The following SUN2 variants were observed in gnomAD, a reference collection of about 807,000 sequenced individuals.
SUN2 encodes the protein Sad1 and UNC84 domain containing 2.
SUN2 carries 60 observed loss-of-function variants against 100.0 expected under a neutral mutation model. The ratio of observed to expected loss-of-function variants is 0.60; its 90% CI spans 0.49 to 0.74. The LOEUF (loss-of-function observed/expected upper bound fraction) is 0.74, where lower values mean the gene tolerates loss of function less well. SUN2 is among the 30% of genes least tolerant of loss of function. The probability of loss-of-function intolerance (pLI) is 0.00; values close to 1 mark genes in which losing one functional copy is unlikely to be tolerated. For synonymous variants in SUN2, 367 were observed against 403.3 expected (o/e 0.91, Z 1.08); for missense variants, 834 against 954.6 (o/e 0.87, Z 1.66).
In SUN2 at chr22:38,738,743, G is replaced by T. The variant is rs1179496851; in HGVS notation, c.1791C>A (p.His597Gln). ...SPRVILQPDV[H>Q]PGNCWAFQGP... Reference sequence around the variant, plus strand: ...CCTGGAAGGCCCAGCAGTTGCCTGGGTGCACATCTGGCTGGAGGAGCAGAA... The same window carrying T: ...CCTGGAAGGCCCAGCAGTTGCCTGGTTGCACATCTGGCTGGAGGAGCAGAA... The change falls in exon 16 of 18, where the codon CAC becomes CAA. Residue 597 changes from histidine to glutamine, a missense_variant. By Grantham distance (24) the His-to-Gln change is conservative. Coordinates refer to ENST00000689035, the MANE Select transcript of SUN2 (RefSeq NM_015374.3). This position sits in a 1 kb window ranked among gnomAD's most constrained non-coding sequence, Gnocchi z 6.6. 3 of 1,613,474 alleles carry T rather than the reference G, an allele frequency of 1.9e-6. No homozygotes were observed. The highest frequency in any genetic ancestry group is 1.1e-5 in the South Asian group (1 of 91,072).
Position 38,750,271 on chromosome 22 carries a change from G to A in SUN2, c.474C>T (p.Ala158=), listed in dbSNP as rs1211809169. The change falls in exon 5 of 18, where the codon GCC becomes GCT. Residue 158 remains alanine, a synonymous_variant. Transcript: ENST00000689035. The part of the protein sequence containing the change: ...QQSSSSRLRS[A]VSRAGSLLWM... ...AGAGTAAGGAGCCCGCCCGTGAGACGGCGCTTCGGAGCCGCGAGCTGGAAC... is the reference window on the plus strand; with the variant it reads ...AGAGTAAGGAGCCCGCCCGTGAGACAGCGCTTCGGAGCCGCGAGCTGGAAC... 9 of 1,613,730 alleles carry A rather than the reference G, an allele frequency of 5.6e-6. No individual in the cohort carries two copies. The highest frequency in any genetic ancestry group is 1.7e-5 in the Admixed American group (1 of 60,008).
At chr22:38,736,479 G>T (rs2092806490) in intron 17 of SUN2, 99 bp from the exon 18 acceptor site, 1 of 867,810 alleles carries the variant, frequency 1.2e-6, no homozygotes, top group Non-Finnish European at 1.7e-6. Flanking sequence ...GGGCCAGATG[G>T]CTCCCCTGCT....
intron 7 of SUN2, 80 bp downstream of exon 7, chr22:38,748,633 C>T: frequency 3.9e-6 from 6 of 1,546,726 alleles, no homozygotes; most frequent in Non-Finnish European, 5.4e-6. Flanking sequence ...CAGTCTTGCC[C>T]CTTCCCTGCC....
intron 1 of SUN2, among the ~76,000 whole-genome samples, chr22:38,753,371 G>C (rs375635424): frequency 2.0e-5 from 3 of 151,656 alleles, no homozygotes; most frequent in African/African-American, 7.3e-5. Context: ...GTGCGCCACC[G>C]GGACTGGCTA....
chr22:38,738,556 C>T lies in SUN2; in HGVS notation c.1947+31G>A, dbSNP rs2092827207. ...AGGCCCACAGGATCCCCCTGCAGCC[C>T]CTCTGGCCCCACCACAGGACAGATA... On this transcript the variant is annotated intron_variant, in intron 16 of 17. Coordinates refer to ENST00000689035, the MANE Select transcript of SUN2 (RefSeq NM_015374.3). This position sits in a 1 kb window ranked among gnomAD's most constrained non-coding sequence, Gnocchi z 6.6. 1 of 1,601,984 alleles carries T rather than the reference C, an allele frequency of 6.2e-7. No homozygotes were observed. Among genetic ancestry groups the T allele is most frequent in the Non-Finnish European group, 8.5e-7 (1 of 1,171,258 alleles).
rs1192940573 is a variant in SUN2 at position 38,738,606 on chromosome 22, G to A, written c.1928C>T (p.Pro643Leu). The change falls in exon 16 of 18, where the codon CCC becomes CTC. Residue 643 changes from proline to leucine, a missense_variant. Pro to Leu is a moderately conservative substitution (Grantham distance 98). This residue lies in a region of SUN2 where 195 missense variants were observed against 280.2 expected (regional missense o/e 0.70). Coordinates refer to ENST00000689035, the MANE Select transcript of SUN2 (RefSeq NM_015374.3). This position sits in a 1 kb window ranked among gnomAD's most constrained non-coding sequence, Gnocchi z 6.6. ...ACTCACAAAGATGGCGAAGTCCTTG[G>A]GGGCACTGGAGATAGTGCTGTTGGG... is the stretch of plus-strand genomic sequence containing the variant. Reference protein sequence around the residue: ...LSPNSTISSAPKDFAIFGFDE... With the variant: ...LSPNSTISSALKDFAIFGFDE... 1 of 1,613,622 alleles carries A rather than the reference G, an allele frequency of 6.2e-7. No homozygotes were observed. The highest frequency in any genetic ancestry group is 8.5e-7 in the Non-Finnish European group (1 of 1,179,762).
Position 38,739,661 on chromosome 22 carries a change from C to T in SUN2, c.1578+61G>A. 2 of 1,572,836 alleles carry T rather than the reference C, an allele frequency of 1.3e-6. No homozygotes were observed. Among genetic ancestry groups the T allele is most frequent in the Admixed American group, 1.7e-5 (1 of 58,674 alleles). ...CAGGGAGCTGGCAGTGTGGGACTGTCCAGGGCTCCCAGGGAGGAGAGCTGT... is the reference window on the plus strand; with the variant it reads ...CAGGGAGCTGGCAGTGTGGGACTGTTCAGGGCTCCCAGGGAGGAGAGCTGT... On this transcript the variant is annotated intron_variant, in intron 13 of 17. Transcript: ENST00000689035. The surrounding 1 kb of genome is among the most constrained non-coding windows in gnomAD (Gnocchi z 6.7).
Position 38,755,543 on chromosome 22 carries a change from G to GC in SUN2, c.-38+219dup. 1 of 974,316 alleles carries GC rather than the reference G, an allele frequency of 1.0e-6. No homozygotes were observed. Among genetic ancestry groups the GC allele is most frequent in the African/African-American group, 1.8e-5 (1 of 57,108 alleles). The allele number at this position is 974,316 out of a possible 1,614,324, so 60.4% of individuals were successfully genotyped here. On this transcript the variant is annotated intron_variant, in intron 1 of 17. Coordinates refer to ENST00000689035, the MANE Select transcript of SUN2 (RefSeq NM_015374.3). The surrounding 1 kb of genome is among the most constrained non-coding windows in gnomAD (Gnocchi z 5.7). The stretch of plus-strand genomic sequence containing the variant: ...CCGGGAAGTCCCGCCCGCAGACACC[G>GC]CCCTCCCGGCTGACCAGTGGCGCGG...
At chr22:38,747,065 C>T (rs1261120908) in intron 7 of SUN2, among the ~76,000 whole-genome samples, 1 of 152,038 alleles carries the variant, frequency 6.6e-6, no homozygotes, top group Non-Finnish European at 1.5e-5. Flanking sequence ...GGCGTGGTGG[C>T]TCACACCTGT....
rs2092982151 is a variant in SUN2, at chr22:38,755,941, G to A, written c.-216C>T. 2.0e-6 allele frequency: 2 copies of A among 983,302 alleles called. No homozygotes were observed. Among genetic ancestry groups the A allele is most frequent in the African/African-American group, 3.5e-5 (2 of 56,976 alleles). 60.9% of individuals were successfully genotyped at this position (983,302 alleles called of 1,614,324 possible). On this transcript the variant is annotated 5_prime_UTR_variant, in exon 1 of 18. Coordinates refer to ENST00000689035, the MANE Select transcript of SUN2 (RefSeq NM_015374.3). The surrounding 1 kb of genome is among the most constrained non-coding windows in gnomAD (Gnocchi z 5.7). The stretch of plus-strand genomic sequence containing the variant: ...GCGACGCGGGACAAGGCGGGCGGGC[G>A]GACAATGCGGCCGGCGGAGGCCCGC...
At position 38,749,988 on chromosome 22, in the gene SUN2, G is replaced by A. The variant is rs755574001; in HGVS notation, c.521-129C>T. The A allele has an allele frequency of 2.7e-4, 172 of 648,578 alleles. 1 individual carries two copies. Among genetic ancestry groups the A allele is most frequent in the Non-Finnish European group, 3.4e-4 (158 of 463,000 alleles). The allele number at this position is 648,578 out of a possible 1,614,324, so 40.2% of individuals were successfully genotyped here. On this transcript the variant is annotated intron_variant, in intron 5 of 17. Transcript: ENST00000689035. ...CAGTATGCCTCTGTCCTGCCCTACC[G>A]GGACCCAGGTCCTTGGATCCCACCT...
In SUN2 at chr22:38,737,413, T is replaced by G. The variant is rs1214529654; in HGVS notation, c.2040+760A>C. The stretch of plus-strand genomic sequence containing the variant: ...CAACGCCCCTCTCCCCCACCTATCC[T>G]GTTCTGGCTGCTTTCCCTCAACCAC... On this transcript the variant is annotated intron_variant, in intron 17 of 17. Coordinates refer to ENST00000689035, the MANE Select transcript of SUN2 (RefSeq NM_015374.3). The surrounding 1 kb of genome is among the most constrained non-coding windows in gnomAD (Gnocchi z 4.1). 6.6e-6 allele frequency among the ~76,000 whole-genome samples: 1 copy of G among 152,136 alleles called. No homozygotes were observed. Among genetic ancestry groups the G allele is most frequent in the East Asian group, 1.9e-4 (1 of 5,196 alleles).
intron 3 of SUN2, 51 bp downstream of exon 3, chr22:38,751,159 T>G (rs1277192537): frequency 1.2e-6 from 2 of 1,604,368 alleles, no homozygotes; most frequent in East Asian, 2.2e-5. Context: ...GAGGAGTATC[T>G]CGCGGGAGGC....
rs2092844687 is a variant in SUN2 at position 38,740,273 on chromosome 22, C to T, written c.1350G>A (p.Arg450=). 7 of 1,588,194 alleles carry T rather than the reference C, an allele frequency of 4.4e-6. No homozygotes were observed. Among genetic ancestry groups the T allele is most frequent in the Non-Finnish European group, 6.0e-6 (7 of 1,166,676 alleles). ...CCTGGTGGTTCCCACTCACGTCGTC[C>T]CGCACGGCCTGGATCTGCTGGGGCA... ...GLLPQQIQAV[R]DDVESQFPAW... is the part of the protein sequence containing the mutation. Residue 450 remains arginine, a synonymous_variant, in exon 12 of 18, where the codon CGG becomes CGA. Coordinates refer to ENST00000689035, the MANE Select transcript of SUN2 (RefSeq NM_015374.3). The surrounding 1 kb of genome is among the most constrained non-coding windows in gnomAD (Gnocchi z 4.8).
rs145130583 is a variant in SUN2 at position 38,736,407 on chromosome 22, G to T, written c.2041-27C>A. On this transcript the variant is annotated intron_variant, in intron 17 of 17. Coordinates refer to ENST00000689035, the MANE Select transcript of SUN2 (RefSeq NM_015374.3). ...TGGGTAGAGAAGAAAGGGATTAAGA[G>T]CATCAGAGACCTGTGAGGCCTCACT... The T allele has an allele frequency of 2.5e-5, 40 of 1,585,192 alleles. No individual in the cohort carries two copies. The East Asian group carries it at 9.1e-4, about 36-fold the overall frequency.
Position 38,735,305 on chromosome 22 carries a change from GGCCT to G in SUN2, c.*958_*961del. The G allele has an allele frequency of 2.2e-6, 1 of 449,104 alleles. No homozygotes were observed. The allele number at this position is 449,104 out of a possible 1,614,324, so 27.8% of individuals were successfully genotyped here. A position where few individuals can be genotyped will look rare whatever the true frequency, so the allele number is the denominator to read the frequency against. The stretch of plus-strand genomic sequence containing the variant: ...CCTGAGCGGACGACCCCTACATCAG[GGCCT>G]GGTTAGATGTGGGGGCCGGTGCAGA... On this transcript the variant is annotated 3_prime_UTR_variant, in exon 18 of 18. Transcript: ENST00000689035.
At chr22:38,745,863 C>T (rs375710449) in intron 7 of SUN2, 52 bp from the exon 8 acceptor site, 128 of 1,595,284 alleles carry the variant, frequency 8.0e-5, no homozygotes, top group Middle Eastern at 5.4e-4. Flanking sequence ...GCAAGAGGCG[C>T]GCGCCAGGGA....
intron 8 of SUN2, among the ~76,000 whole-genome samples, chr22:38,744,146 G>A (rs1241613932): frequency 1.3e-5 from 2 of 151,722 alleles, no homozygotes; most frequent in African/African-American, 4.8e-5. Context: ...ACGCTGAGGC[G>A]GGAGAATCGC....
chr22:38,749,520 G>T (rs2092927217), intron 6 of SUN2, among the ~76,000 whole-genome samples: 1 of 152,184 alleles, frequency 6.6e-6, no homozygotes, highest in Non-Finnish European at 1.5e-5. Flanking sequence ...TGTCCAAGAA[G>T]AAATAATCTG....
Sources: allele counts gnomAD v4.1 joint callset (sites outside exome capture counted in the v4.1 genomes callset), GRCh38; gene constraint gnomAD v4.1.1; regional missense constraint gnomAD v4.1.1; non-coding constraint Gnocchi (gnomAD v3.1); transcripts MANE v1.5; gene names NCBI Gene and HGNC (gene_info 2026-07-23, HGNC 2026-07-21).